GRIK4: variants seen among roughly 807,000 people sequenced by gnomAD.
GRIK4 encodes glutamate receptor ionotropic, kainate 4.
A neutral mutation model predicts 104.9 loss-of-function variants in GRIK4; 40 were observed. The ratio of observed to expected loss-of-function variants is 0.38; its 90% CI spans 0.30 to 0.50. The LOEUF (loss-of-function observed/expected upper bound fraction) is 0.50, where lower values mean the gene tolerates loss of function less well. Ranked by LOEUF, GRIK4 falls within the 20% of genes least tolerant of loss-of-function variation. The pLI is 0.93. For missense variants in GRIK4, 1,047 were observed against 1,308.1 expected (o/e 0.80, Z 3.08); for synonymous variants, 485 against 524.9 (o/e 0.92, Z 1.04).
intron 13 of GRIK4, among the ~76,000 whole-genome samples, chr11:120,922,906 G>T (rs760903288): frequency 1.3e-5 from 2 of 152,224 alleles, no homozygotes; most frequent in Non-Finnish European, 2.9e-5. Flanking sequence ...AGGCAACAAT[G>T]CAAAGGCCCA....
At chr11:120,946,851 A>G (rs1943872437) in intron 14 of GRIK4, among the ~76,000 whole-genome samples, 1 of 152,146 alleles carries the variant, frequency 6.6e-6, no homozygotes, top group Non-Finnish European at 1.5e-5. Context: ...TTTCAGTGTC[A>G]ACGCTATTCT....
intron 11 of GRIK4, among the ~76,000 whole-genome samples, chr11:120,880,397 A>AG (rs1324471078): frequency 6.6e-6 from 1 of 152,226 alleles, no homozygotes; most frequent in East Asian, 1.9e-4. Context: ...GTCAGCTTGT[A>AG]GGTGAAGGAA....
At chr11:120,590,933 G>C (rs562639729) in intron 1 of GRIK4, among the ~76,000 whole-genome samples, 4 of 151,972 alleles carry the variant, frequency 2.6e-5, no homozygotes, top group Non-Finnish European at 5.9e-5. Flanking sequence ...CATCCTTCCC[G>C]GGGTTTCTGT....
intron 1 of GRIK4, among the ~76,000 whole-genome samples, chr11:120,550,084 G>A (rs1368773448): frequency 6.6e-6 from 1 of 152,072 alleles, no homozygotes; most frequent in Non-Finnish European, 1.5e-5. Context: ...CTGCCTGGTT[G>A]CGGGGAATGG....
chr11:120,685,066 G>A (rs551172625), intron 3 of GRIK4, among the ~76,000 whole-genome samples: 30 of 152,296 alleles, frequency 2.0e-4, no homozygotes, highest in African/African-American at 7.2e-4. Flanking sequence ...CAGTACTTCT[G>A]TGGAAGATGA....
At chr11:120,581,990 G>T (rs1416289306) in intron 1 of GRIK4, among the ~76,000 whole-genome samples, 1 of 151,742 alleles carries the variant, frequency 6.6e-6, no homozygotes, top group Non-Finnish European at 1.5e-5. Flanking sequence ...AATATTTTTA[G>T]TAGAGACGGG....
intron 1 of GRIK4, among the ~76,000 whole-genome samples, chr11:120,558,544 C>A (rs1215862600): frequency 6.6e-6 from 1 of 152,010 alleles, no homozygotes; most frequent in East Asian, 1.9e-4. Flanking sequence ...GCTGAGATCA[C>A]GCCACTGAAC....
At chr11:120,844,901 G>A (rs138091295) in intron 8 of GRIK4, among the ~76,000 whole-genome samples, 11 of 152,268 alleles carry the variant, frequency 7.2e-5, no homozygotes, top group African/African-American at 2.4e-4. Context: ...GGCAGGGGAG[G>A]GCAGAAGAGT....
At chr11:120,789,287 A>G (rs916107281) in intron 3 of GRIK4, among the ~76,000 whole-genome samples, 4 of 152,106 alleles carry the variant, frequency 2.6e-5, no homozygotes, top group African/African-American at 9.7e-5. Flanking sequence ...TCCAAAAACA[A>G]AAAAAGAACA....
chr11:120,834,836 A>G (rs1953530382), intron 7 of GRIK4, among the ~76,000 whole-genome samples: 1 of 152,242 alleles, frequency 6.6e-6, no homozygotes, highest in Admixed American at 6.5e-5. Flanking sequence ...CTAGGACAGC[A>G]GATTTCACAA....
intron 1 of GRIK4, among the ~76,000 whole-genome samples, chr11:120,612,442 G>T (rs1481860515): frequency 6.6e-6 from 1 of 151,638 alleles, no homozygotes; most frequent in Non-Finnish European, 1.5e-5. Context: ...TAATTTAATG[G>T]GTAATTAATT....
intron 3 of GRIK4, among the ~76,000 whole-genome samples, chr11:120,674,828 G>C (rs1215395769): frequency 6.6e-6 from 1 of 152,208 alleles, no homozygotes; most frequent in African/African-American, 2.4e-5. Context: ...CTCCAAGGGG[G>C]CACCAACCAC....
In GRIK4 at chr11:120,530,955, G is replaced by A. The variant is rs530024108; in HGVS notation, c.-159+19068G>A. On this transcript the variant is annotated intron_variant, in intron 1 of 20. Transcript: ENST00000527524. ...GGTTCACAAAAAGGAGATCTGCTACGGTGTGACTTTGATCAAGTCATTTTA... is the reference window on the plus strand; with the variant it reads ...GGTTCACAAAAAGGAGATCTGCTACAGTGTGACTTTGATCAAGTCATTTTA... 1.7e-4 allele frequency among the ~76,000 whole-genome samples: 26 copies of A among 152,260 alleles called. 1 individual carries two copies. In the South Asian group the frequency reaches 5.0e-3, roughly 29 times the overall value.
At chr11:120,654,906 A>C (rs544633724) in intron 2 of GRIK4, among the ~76,000 whole-genome samples, 10 of 152,092 alleles carry the variant, frequency 6.6e-5, no homozygotes, top group African/African-American at 2.4e-4. Flanking sequence ...AGGGCGGCAC[A>C]CATTTGTTTC....
chr11:120,704,195 T>A (rs113442580), intron 3 of GRIK4, among the ~76,000 whole-genome samples: 2 of 152,228 alleles, frequency 1.3e-5, no homozygotes, highest in African/African-American at 4.8e-5. Flanking sequence ...GCTTATTTAT[T>A]AAGTGTTAAT....
Position 120,831,907 on chromosome 11 carries a change from G to C in GRIK4, c.567G>C (p.Leu189=). ...AATTCCTTATCTCCAAGGACACGCT[G>C]TCCGTCCGCATGCTGGATGACACCC... is the stretch of plus-strand genomic sequence containing the variant. ...LRQFLISKDT[L]SVRMLDDTRD... is the part of the protein sequence containing the mutation. Residue 189 remains leucine, a synonymous_variant, in exon 7 of 21, where the codon CTG becomes CTC. Coordinates refer to ENST00000527524, the MANE Select transcript of GRIK4 (RefSeq NM_014619.5). 3.1e-6 allele frequency: 5 copies of C among 1,613,964 alleles called. No individual in the cohort carries two copies. Among genetic ancestry groups the C allele is most frequent in the Non-Finnish European group, 4.2e-6 (5 of 1,179,942 alleles).
intron 8 of GRIK4, among the ~76,000 whole-genome samples, chr11:120,855,917 C>T (rs931282373): frequency 7.9e-5 from 12 of 152,236 alleles, no homozygotes; most frequent in Non-Finnish European, 1.5e-4. Context: ...TAAGAGTCAC[C>T]TCTTGCCAAA....
At chr11:120,907,561 CT>C (rs1942896359) in intron 13 of GRIK4, among the ~76,000 whole-genome samples, 1 of 152,208 alleles carries the variant, frequency 6.6e-6, no homozygotes, top group African/African-American at 2.4e-5. Flanking sequence ...ACATCTTCCA[CT>C]GTTGTAGACA....
chr11:120,901,526 A>G, intron 12 of GRIK4, among the ~76,000 whole-genome samples: 1 of 151,816 alleles, frequency 6.6e-6, no homozygotes, highest in Admixed American at 6.6e-5. Flanking sequence ...GCCCCCTCCC[A>G]TTTCTCTTAT....
Sources: allele counts gnomAD v4.1 joint callset (sites outside exome capture counted in the v4.1 genomes callset), GRCh38; gene constraint gnomAD v4.1.1; transcripts MANE v1.5; gene names NCBI Gene and HGNC (gene_info 2026-07-23, HGNC 2026-07-21).